CAMTA1: variants seen among roughly 807,000 people sequenced by gnomAD.
The protein encoded by CAMTA1 is calmodulin binding transcription activator 1.
A neutral mutation model predicts 170.9 loss-of-function variants in CAMTA1; 27 were observed. The observed-to-expected ratio is 0.16, with a 90% CI of 0.12 to 0.22. CAMTA1 has a LOEUF of 0.22. CAMTA1 is among the 10% of genes least tolerant of loss of function. The probability of loss-of-function intolerance (pLI) is 1.00; values close to 1 mark genes in which losing one functional copy is unlikely to be tolerated. For missense variants in CAMTA1, 1,619 were observed against 2,217.2 expected (o/e 0.73, Z 5.42); for synonymous variants, 833 against 891.5 (o/e 0.93, Z 1.17).
chr1:7,388,067 A>T (rs4531311), intron 5 of CAMTA1: 1 of 151,870 alleles, frequency 6.6e-6, no homozygotes, highest in African/African-American at 2.4e-5. Flanking sequence ...CTTGGGTTCC[A>T]ATCTGAGCCC....
intron 11 of CAMTA1, among the ~76,000 whole-genome samples, chr1:7,695,437 T>C (rs1441465509): frequency 4.6e-5 from 7 of 152,188 alleles, no homozygotes; most frequent in Non-Finnish European, 1.5e-5. Context: ...ATTTTTATAT[T>C]TGGTGAAACG....
chr1:7,679,516 G>A (rs1041331617), intron 11 of CAMTA1, among the ~76,000 whole-genome samples: 11 of 151,014 alleles, frequency 7.3e-5, no homozygotes, highest in African/African-American at 2.5e-4. Flanking sequence ...CCGGGACCTC[G>A]GCCACCCCAG....
intron 21 of CAMTA1, among the ~76,000 whole-genome samples, chr1:7,755,326 C>CA (rs70987373): frequency 0.033 from 2,044 of 61,824 alleles, 91 homozygotes; most frequent in South Asian, 0.04. Context: ...GACTCCGTCT[C>CA]AAAAAAAAAA....
chr1:7,297,376 T>A (rs1323542755), intron 5 of CAMTA1, among the ~76,000 whole-genome samples: 1 of 152,228 alleles, frequency 6.6e-6, no homozygotes, highest in Admixed American at 6.5e-5. Flanking sequence ...GCTTTGGCCT[T>A]TCCTGTAGGG....
chr1:6,845,086 C>G (rs1013149743), intron 3 of CAMTA1, among the ~76,000 whole-genome samples: 5 of 152,144 alleles, frequency 3.3e-5, no homozygotes, highest in African/African-American at 1.2e-4. Context: ...GTACGGGTGG[C>G]TGAGTTAGAA....
Position 7,738,568 on chromosome 1 carries a change from CATTTT to C in CAMTA1, c.4182+87_4182+91del. On this transcript the variant is annotated intron_variant, in intron 16 of 22. Transcript: ENST00000303635. This position sits in a 1 kb window ranked among gnomAD's most constrained non-coding sequence, Gnocchi z 4.9. ...TATGGTCCATTTCCGAAGGTTGTGT[CATTTT>C]CCTCCCCGTGAAGCCTTCGAAGTTG... The C allele has an allele frequency of 1.4e-6, 2 of 1,439,270 alleles. No homozygotes were observed. Among genetic ancestry groups the C allele is most frequent in the South Asian group, 2.7e-5 (2 of 73,982 alleles). 89.2% of individuals were successfully genotyped at this position (1,439,270 alleles called of 1,614,324 possible).
chr1:7,187,246 C>G (rs1170516581), intron 4 of CAMTA1, among the ~76,000 whole-genome samples: 1 of 152,022 alleles, frequency 6.6e-6, no homozygotes, highest in Non-Finnish European at 1.5e-5. Context: ...CCAGTGCCAG[C>G]CTGCAGAGTT....
chr1:6,915,539 G>T (rs1680594043), intron 3 of CAMTA1, among the ~76,000 whole-genome samples: 1 of 152,208 alleles, frequency 6.6e-6, no homozygotes, highest in South Asian at 2.1e-4. Flanking sequence ...TGGAGCCAAG[G>T]TGTTCAAGAA....
At chr1:6,941,372 A>G (rs1459239670) in intron 3 of CAMTA1, among the ~76,000 whole-genome samples, 3 of 152,130 alleles carry the variant, frequency 2.0e-5, no homozygotes, top group Non-Finnish European at 4.4e-5. Flanking sequence ...CCAGCTCTCC[A>G]GCTTTTCCGA....
chr1:7,349,607 C>A (rs937863814), intron 5 of CAMTA1, among the ~76,000 whole-genome samples: 4 of 152,188 alleles, frequency 2.6e-5, no homozygotes, highest in Non-Finnish European at 4.4e-5. Context: ...CAGGTTCCTC[C>A]TGAGGCCTCT....
intron 6 of CAMTA1, among the ~76,000 whole-genome samples, chr1:7,514,041 A>C (rs1435242682): frequency 6.6e-6 from 1 of 152,192 alleles, no homozygotes; most frequent in Non-Finnish European, 1.5e-5. Flanking sequence ...TTGTATCAGC[A>C]ATGAGCCTTT....
intron 11 of CAMTA1, among the ~76,000 whole-genome samples, chr1:7,702,033 C>T (rs2149508300): frequency 6.6e-6 from 1 of 152,274 alleles, no homozygotes; most frequent in African/African-American, 2.4e-5. Flanking sequence ...AAGAAAGGGA[C>T]CCAAGGAAGC....
At chr1:7,544,570 G>A (rs1018302663) in intron 6 of CAMTA1, among the ~76,000 whole-genome samples, 6 of 152,314 alleles carry the variant, frequency 3.9e-5, no homozygotes, top group Admixed American at 6.5e-5. Flanking sequence ...GAGAATTGTC[G>A]TACAAAGAGA....
intron 5 of CAMTA1, among the ~76,000 whole-genome samples, chr1:7,434,999 C>T (rs572681472): frequency 1.3e-5 from 2 of 152,180 alleles, no homozygotes; most frequent in South Asian, 2.1e-4. Flanking sequence ...CTGCAGTGAG[C>T]TGAGATCCCA....
intron 11 of CAMTA1, among the ~76,000 whole-genome samples, chr1:7,691,688 G>C (rs1432322748): frequency 6.6e-6 from 1 of 152,174 alleles, no homozygotes; most frequent in Non-Finnish European, 1.5e-5. Flanking sequence ...ACATCTGTGT[G>C]AAAAGTCAAT....
chr1:7,435,679 C>T lies in CAMTA1; in HGVS notation c.439-32151C>T, dbSNP rs912432425. On this transcript the variant is annotated intron_variant, in intron 5 of 22. Transcript: ENST00000303635. This position sits in a 1 kb window ranked among gnomAD's most constrained non-coding sequence, Gnocchi z 4.4. Reference sequence around the variant, plus strand: ...TCCTTCTGACCAGGCAAGGGCTGGCCGCCGTTCTCATGGCTGAAGGGTACT... The same window carrying T: ...TCCTTCTGACCAGGCAAGGGCTGGCTGCCGTTCTCATGGCTGAAGGGTACT... 7.2e-5 allele frequency among the ~76,000 whole-genome samples: 11 copies of T among 152,136 alleles called. No homozygotes were observed. Among genetic ancestry groups the T allele is most frequent in the African/African-American group, 1.7e-4 (7 of 41,426 alleles).
In CAMTA1 at chr1:7,309,545, C is replaced by T. The variant is rs924651276; in HGVS notation, c.438+59919C>T. On this transcript the variant is annotated intron_variant, in intron 5 of 22. Transcript: ENST00000303635. ...CGATCTCCTGACCTCGTGATCCGCC[C>T]GCCTCGGCCTCCCAAAGTGCTGGGA... Among the ~76,000 whole-genome samples the T allele has an allele frequency of 2.6e-5, 4 of 151,690 alleles. No homozygotes were observed. In the East Asian group the frequency reaches 5.8e-4, roughly 22 times the overall value.
intron 5 of CAMTA1, among the ~76,000 whole-genome samples, chr1:7,372,201 A>G (rs1378585755): frequency 6.6e-6 from 1 of 152,068 alleles, no homozygotes; most frequent in Non-Finnish European, 1.5e-5. Flanking sequence ...CTTAATCTCC[A>G]GCCACCGCCA....
At chr1:7,648,703 CCAAGGT>C (rs1216830810) in intron 7 of CAMTA1, among the ~76,000 whole-genome samples, 1 of 152,178 alleles carries the variant, frequency 6.6e-6, no homozygotes, top group Non-Finnish European at 1.5e-5. Context: ...CTGGAATCCA[CCAAGGT>C]CCCAGAAAGC....
Sources: gnomAD v4.1 joint callset for allele counts (sites outside exome capture counted in the v4.1 genomes callset) on GRCh38, gnomAD v4.1.1 for gene constraint, Gnocchi (gnomAD v3.1) non-coding constraint, MANE v1.5 for transcripts, NCBI Gene and HGNC (gene_info 2026-07-23, HGNC 2026-07-21) for gene names.